Variants in KIAA1328 observed in about 807,000 individuals in gnomAD.
The protein encoded by KIAA1328 is protein hinderin.
Under a neutral mutation model 68.1 loss-of-function variants are expected in KIAA1328, and 52 were observed. That is an observed-to-expected ratio of 0.76 (90% confidence interval 0.61 to 0.96). KIAA1328 has a LOEUF of 0.96. Ranked by LOEUF, KIAA1328 falls within the 40% of genes least tolerant of loss-of-function variation. KIAA1328 has a pLI of 0.00. For missense variants in KIAA1328, 641 were observed against 677.6 expected (o/e 0.95, Z 0.60); for synonymous variants, 232 against 239.4 (o/e 0.97, Z 0.28).
In KIAA1328 at chr18:36,835,380, A is replaced by G. The variant is rs1450258860; in HGVS notation, c.237+4A>G. Reference sequence around the variant, plus strand: ...AGGAGATTCAGTAGATGAACAGGTTAGTATTTTTTTCGTCTTTTTTTTTCC... The same window carrying G: ...AGGAGATTCAGTAGATGAACAGGTTGGTATTTTTTTCGTCTTTTTTTTTCC... On this transcript the variant is annotated splice_donor_region_variant and intron_variant, in intron 3 of 9. Coordinates refer to ENST00000280020, the MANE Select transcript of KIAA1328 (RefSeq NM_020776.3). The G allele has an allele frequency of 1.9e-6, 3 of 1,605,272 alleles. No homozygotes were observed. The highest frequency in any genetic ancestry group is 3.4e-5 in the Admixed American group (2 of 57,998).
chr18:37,072,256 G>A (rs532310485), intron 7 of KIAA1328, among the ~76,000 whole-genome samples: 1 of 149,576 alleles, frequency 6.7e-6, no homozygotes, highest in East Asian at 1.9e-4. Context: ...CTTCTAAAGG[G>A]TACTACCATT....
At chr18:37,060,067 T>C (rs2056087756) in intron 6 of KIAA1328, among the ~76,000 whole-genome samples, 1 of 151,930 alleles carries the variant, frequency 6.6e-6, no homozygotes, top group Non-Finnish European at 1.5e-5. Flanking sequence ...AGATGATGGG[T>C]TGATGGGTGC....
At chr18:37,185,157 C>T (rs1455029176) in intron 9 of KIAA1328, among the ~76,000 whole-genome samples, 4 of 150,242 alleles carry the variant, frequency 2.7e-5, no homozygotes, top group African/African-American at 7.4e-5. Context: ...CAGAGTGAGA[C>T]TCCATCTCAA....
chr18:37,167,488 C>G (rs1284745385), intron 8 of KIAA1328, among the ~76,000 whole-genome samples: 2 of 152,204 alleles, frequency 1.3e-5, no homozygotes. Context: ...TAGTTTTACC[C>G]TGGAGTTGGG....
At chr18:37,032,528 A>G (rs2054871306) in intron 6 of KIAA1328, among the ~76,000 whole-genome samples, 2 of 149,862 alleles carry the variant, frequency 1.3e-5, no homozygotes, top group Admixed American at 1.3e-4. Context: ...TTTCGTATCT[A>G]TTTCACTTCG....
chr18:37,066,848 G>A, intron 6 of KIAA1328, 42 bp from the exon 7 acceptor site: 1 of 1,481,150 alleles, frequency 6.8e-7, no homozygotes, highest in African/African-American at 1.4e-5. Context: ...AACTTGTTTT[G>A]TTGTGTTCTT....
Position 37,066,986 on chromosome 18 carries a change from C to A in KIAA1328, c.673C>A (p.Gln225Lys). 3 of 1,613,688 alleles carry A rather than the reference C, an allele frequency of 1.9e-6. No individual in the cohort carries two copies. Among genetic ancestry groups the A allele is most frequent in the South Asian group, 1.1e-5 (1 of 91,010 alleles). ...ARPQTYYQTKQRPKSAVQDSA... is the reference protein window; with the variant it reads ...ARPQTYYQTKKRPKSAVQDSA... ...ACCACAGACCTACTATCAAACCAAG[C>A]AAAGACCTAAGTCTGCAGTCCAGGA... is the stretch of plus-strand genomic sequence containing the variant. Residue 225 changes from glutamine to lysine, a missense_variant, in exon 7 of 10, where the codon CAA becomes AAA. Transcript: ENST00000280020.
At chr18:37,227,009 C>T (rs1251667583), downstream of KIAA1328, among the ~76,000 whole-genome samples, 3 of 152,142 alleles carry the variant, frequency 2.0e-5, no homozygotes, top group African/African-American at 4.8e-5. Context: ...TCAGGTGATC[C>T]GCCTGCCTCG....
intron 7 of KIAA1328, among the ~76,000 whole-genome samples, chr18:37,136,044 G>C (rs2058636056): frequency 6.6e-6 from 1 of 152,026 alleles, no homozygotes; most frequent in Non-Finnish European, 1.5e-5. Flanking sequence ...TGCTGTTTTG[G>C]TTACTGTAAC....
At chr18:37,155,548 A>G (rs2059134526) in intron 7 of KIAA1328, among the ~76,000 whole-genome samples, 1 of 152,172 alleles carries the variant, frequency 6.6e-6, no homozygotes, top group South Asian at 2.1e-4. Flanking sequence ...CTCTATTGCA[A>G]ACCTTCATCT....
intron 6 of KIAA1328, among the ~76,000 whole-genome samples, chr18:37,002,261 C>T (rs1256639889): frequency 2.0e-5 from 2 of 99,348 alleles, no homozygotes; most frequent in African/African-American, 3.8e-5. Flanking sequence ...GACAGTATCT[C>T]ATTCTGTTGT....
Position 37,141,337 on chromosome 18 carries a change from T to C in KIAA1328, c.1233-18863T>C, listed in dbSNP as rs8098665. Among the ~76,000 whole-genome samples, 1,439 of 152,330 alleles carry C rather than the reference T, an allele frequency of 9.4e-3. 13 individuals are homozygous for C. The highest frequency in any genetic ancestry group is 0.012 in the Non-Finnish European group (785 of 68,010). ...TGTGTGTTCTAAATCTTCATATAAG[T>C]AGAATCATACAATATGCGTAAGTCT... On this transcript the variant is annotated intron_variant, in intron 7 of 9. Coordinates refer to ENST00000280020, the MANE Select transcript of KIAA1328 (RefSeq NM_020776.3).
chr18:36,944,364 A>G (rs9789169), intron 5 of KIAA1328, among the ~76,000 whole-genome samples: 136,340 of 152,138 alleles, frequency 0.9, 63,045 homozygotes, highest in East Asian at 1. Flanking sequence ...GGATCACAAG[A>G]TCAGGAGATC....
chr18:37,162,238 T>TC (rs2059295633), intron 8 of KIAA1328, among the ~76,000 whole-genome samples: 3 of 151,758 alleles, frequency 2.0e-5, no homozygotes, highest in Non-Finnish European at 2.9e-5. Context: ...AGGTTTTTTT[T>TC]CCCCTTTTTT....
intron 9 of KIAA1328, among the ~76,000 whole-genome samples, chr18:37,202,048 T>C (rs181847043): frequency 2.6e-5 from 4 of 152,334 alleles, no homozygotes; most frequent in Admixed American, 6.5e-5. Context: ...ACTGAACTTA[T>C]GTGAACAACT....
chr18:36,900,528 A>G (rs987228688), intron 5 of KIAA1328, among the ~76,000 whole-genome samples: 3 of 152,016 alleles, frequency 2.0e-5, no homozygotes, highest in Admixed American at 6.6e-5. Flanking sequence ...TTAAGAGCAT[A>G]CTAAATCAGT....
chr18:36,992,510 G>T (rs2053227947), intron 6 of KIAA1328, among the ~76,000 whole-genome samples: 1 of 128,382 alleles, frequency 7.8e-6, no homozygotes, highest in African/African-American at 3.8e-5. Flanking sequence ...CGATACTTTT[G>T]GTTTAGTTTT....
intron 6 of KIAA1328, among the ~76,000 whole-genome samples, chr18:37,004,446 G>A (rs1425268402): frequency 2.0e-5 from 3 of 151,944 alleles, no homozygotes; most frequent in Admixed American, 1.3e-4. Context: ...AGTGGGCTAA[G>A]GACATGAATA....
intron 7 of KIAA1328, among the ~76,000 whole-genome samples, chr18:37,126,919 T>C (rs547230081): frequency 1.3e-5 from 2 of 152,252 alleles, no homozygotes; most frequent in East Asian, 3.9e-4. Context: ...ATACTAGTAA[T>C]AGAAGGGAAC....
Sources: gnomAD v4.1 joint callset for allele counts (sites outside exome capture counted in the v4.1 genomes callset) on GRCh38, gnomAD v4.1.1 for gene constraint, MANE v1.5 for transcripts, NCBI Gene and HGNC (gene_info 2026-07-23, HGNC 2026-07-21) for gene names.